EVC2: variants seen among roughly 807,000 people sequenced by gnomAD.
The protein encoded by EVC2 is limbin.
In EVC2, 148 loss-of-function variants were observed where a neutral mutation model predicts 149.3. The ratio of observed to expected loss-of-function variants is 0.99; its 90% CI spans 0.87 to 1.14. The LOEUF is 1.14. Ranked by LOEUF, EVC2 falls within the 50% of genes most tolerant of loss-of-function variation. The pLI is 0.00. For synonymous variants in EVC2, 776 were observed against 649.9 expected, an observed-to-expected ratio of 1.19 and a Z score of -2.95; for missense variants, 1,854 against 1,627.3, an observed-to-expected ratio of 1.14 and a Z score of -2.40.
At chr4:5,695,153 T>G (rs1207605141) in intron 2 of EVC2, among the ~76,000 whole-genome samples, 1 of 151,880 alleles carries the variant, frequency 6.6e-6, no homozygotes, top group Non-Finnish European at 1.5e-5. Context: ...ATCGAGACTA[T>G]CCTGGCCAAC....
intron 9 of EVC2, among the ~76,000 whole-genome samples, chr4:5,645,355 T>A (rs73065611): frequency 0.021 from 3,201 of 152,062 alleles, 115 homozygotes; most frequent in African/African-American, 0.073. Flanking sequence ...TATTTTGTCA[T>A]GCAGGTATTA....
At chr4:5,559,664 G>C (rs1371049673), downstream of EVC2, among the ~76,000 whole-genome samples, 1 of 152,146 alleles carries the variant, frequency 6.6e-6, no homozygotes, top group Non-Finnish European at 1.5e-5. The surrounding 1 kb of genome is among the most constrained non-coding windows in gnomAD (Gnocchi z 5.0). Flanking sequence ...TATGTTAAAG[G>C]GATATGGGAG....
At chr4:5,654,086 C>T (rs557496872) in intron 9 of EVC2, among the ~76,000 whole-genome samples, 111 of 152,200 alleles carry the variant, frequency 7.3e-4, no homozygotes, top group African/African-American at 2.6e-3. Context: ...TGGTGGCGGG[C>T]GCCTGTAATC....
chr4:5,574,638 G>A (rs1722810582), intron 19 of EVC2, 47 bp downstream of exon 19: 5 of 1,558,998 alleles, frequency 3.2e-6, no homozygotes, highest in East Asian at 2.2e-5. Context: ...AAGATGAAGT[G>A]ACGTGCTGGC....
intron 10 of EVC2, among the ~76,000 whole-genome samples, chr4:5,639,211 G>C (rs929484178): frequency 7.2e-5 from 11 of 152,186 alleles, no homozygotes; most frequent in African/African-American, 2.7e-4. Context: ...GTCTGCGGAA[G>C]GGAAGCCGAG....
chr4:5,562,847 G>A lies in EVC2; in HGVS notation c.*1C>T. 6.2e-7 allele frequency: 1 copy of A among 1,613,800 alleles called. No individual in the cohort carries two copies. The highest frequency in any genetic ancestry group is 1.1e-5 in the South Asian group (1 of 91,070). On this transcript the variant is annotated 3_prime_UTR_variant, in exon 22 of 22. Transcript: ENST00000344408. This position sits in a 1 kb window ranked among gnomAD's most constrained non-coding sequence, Gnocchi z 4.3. ...ATGCTCCCGCAGGTCTTTCCCTTGG[G>A]CTAGTCCATGCCCAAGGCCCTCATG...
At chr4:5,635,029 C>CTTTTTTTTTTTT (rs34769603) in intron 10 of EVC2, among the ~76,000 whole-genome samples, 1 of 71,442 alleles carries the variant, frequency 1.4e-5, no homozygotes, top group African/African-American at 6.0e-5. Flanking sequence ...AACAAATGTG[C>CTTTTTTTTTTTT]TTTTTTTTTT....
intron 9 of EVC2, among the ~76,000 whole-genome samples, chr4:5,659,427 G>A (rs950516575): frequency 8.6e-5 from 13 of 151,778 alleles, no homozygotes; most frequent in African/African-American, 2.4e-4. Context: ...AAAAAGACTG[G>A]GTTCTTAAAA....
intron 17 of EVC2, among the ~76,000 whole-genome samples, chr4:5,579,516 T>G (rs1260420946): frequency 6.6e-6 from 1 of 152,106 alleles, no homozygotes; most frequent in South Asian, 2.1e-4. Context: ...TGGTGGCCAG[T>G]GGTCCATAGG....
At chr4:5,543,885 G>T (rs1721563860) in intron 21 of EVC2, among the ~76,000 whole-genome samples, 2 of 152,180 alleles carry the variant, frequency 1.3e-5, no homozygotes, top group Non-Finnish European at 2.9e-5. Context: ...CCAGAAAGGG[G>T]TGCAGGCCTC....
At chr4:5,663,446 C>G (rs1198430323) in intron 8 of EVC2, among the ~76,000 whole-genome samples, 200 bp from the exon 9 acceptor site, 2 of 152,194 alleles carry the variant, frequency 1.3e-5, no homozygotes, top group Non-Finnish European at 2.9e-5. Context: ...GATCATAATT[C>G]TACTAGCCCT....
rs1240314758 is a variant in EVC2 at position 5,637,719 on chromosome 4, G to T, written c.1470+2795C>A. ...TGTGAAGGCTGCCTGAGCCATCCCTGTATCTCCAGGGTTAGGTATACAATA... is the reference window on the plus strand; with the variant it reads ...TGTGAAGGCTGCCTGAGCCATCCCTTTATCTCCAGGGTTAGGTATACAATA... On this transcript the variant is annotated intron_variant, in intron 10 of 21. Transcript: ENST00000344408. The surrounding 1 kb of genome is among the most constrained non-coding windows in gnomAD (Gnocchi z 4.4). Among the ~76,000 whole-genome samples, 1 of 152,044 alleles carries T rather than the reference G, an allele frequency of 6.6e-6. No individual in the cohort carries two copies. The highest frequency in any genetic ancestry group is 1.5e-5 in the Non-Finnish European group (1 of 68,026).
At position 5,633,860 on chromosome 4, in the gene EVC2, C is replaced by A. The variant is rs913118381; in HGVS notation, c.1471-1828G>T. On this transcript the variant is annotated intron_variant, in intron 10 of 21. Transcript: ENST00000344408. This position sits in a 1 kb window ranked among gnomAD's most constrained non-coding sequence, Gnocchi z 4.4. The stretch of plus-strand genomic sequence containing the variant: ...ATTTCCCAAGTCACAGACCTGCTCA[C>A]CTCCACTTCCAATAACTCACAGAAG... Among the ~76,000 whole-genome samples the A allele has an allele frequency of 1.3e-5, 2 of 152,256 alleles. No individual in the cohort carries two copies. Among genetic ancestry groups the A allele is most frequent in the African/African-American group, 2.4e-5 (1 of 41,470 alleles).
At chr4:5,626,879 G>T (rs1174988955) in intron 12 of EVC2, among the ~76,000 whole-genome samples, 2 of 152,056 alleles carry the variant, frequency 1.3e-5, no homozygotes, top group Non-Finnish European at 2.9e-5. Context: ...TACACCATCA[G>T]CTCCCTCTGG....
At chr4:5,659,405 G>GAAA (rs60976903) in intron 9 of EVC2, among the ~76,000 whole-genome samples, 1 of 107,372 alleles carries the variant, frequency 9.3e-6, no homozygotes, top group Admixed American at 9.9e-5. Context: ...TGCTATAATT[G>GAAA]AAAAAAAAAA....
chr4:5,702,986 T>C (rs76154862), intron 1 of EVC2, among the ~76,000 whole-genome samples: 1,890 of 152,310 alleles, frequency 0.012, 39 homozygotes, highest in African/African-American at 0.042. Flanking sequence ...ACAGCAAATA[T>C]ACAATTGTTA....
the EVC2 span, among the ~76,000 whole-genome samples, chr4:5,533,712 G>A: frequency 2.0e-5 from 3 of 152,148 alleles, no homozygotes; most frequent in African/African-American, 2.4e-5. Flanking sequence ...CCATATTGCC[G>A]CTAAGAAAGC....
intron 16 of EVC2, among the ~76,000 whole-genome samples, chr4:5,606,863 C>A (rs1487186578): frequency 6.6e-6 from 1 of 152,142 alleles, no homozygotes; most frequent in African/African-American, 2.4e-5. Flanking sequence ...CTATTATCCA[C>A]ACTTGAATGA....
At chr4:5,534,746 G>A in the EVC2 span, among the ~76,000 whole-genome samples, 4 of 150,722 alleles carry the variant, frequency 2.7e-5, no homozygotes, top group Admixed American at 6.6e-5. Flanking sequence ...CCCCACCGGT[G>A]GAAGAGTTCT....
Sources: gnomAD v4.1 joint callset for allele counts (sites outside exome capture counted in the v4.1 genomes callset) on GRCh38, gnomAD v4.1.1 for gene constraint, Gnocchi (gnomAD v3.1) non-coding constraint, MANE v1.5 for transcripts, NCBI Gene and HGNC (gene_info 2026-07-23, HGNC 2026-07-21) for gene names.